The following DIAPH2 variants were observed in gnomAD, a reference collection of about 807,000 sequenced individuals.
The protein encoded by DIAPH2 is diaphanous related formin 2.
A neutral mutation model predicts 92.7 loss-of-function variants in DIAPH2; 35 were observed. The ratio of observed to expected loss-of-function variants is 0.38; its 90% CI spans 0.29 to 0.50. The LOEUF (loss-of-function observed/expected upper bound fraction) is 0.50, where lower values mean the gene tolerates loss of function less well. Among genes scored for constraint, DIAPH2 ranks in the 20% least tolerant of loss-of-function variants. The pLI is 0.94. For synonymous variants in DIAPH2, 301 were observed against 280.4 expected (o/e 1.07, Z -0.73); for missense variants, 701 against 819.5 (o/e 0.86, Z 1.77).
At chrX:97,221,817 C>T (rs779741575) in intron 22 of DIAPH2, among the ~76,000 whole-genome samples, 6 of 109,961 alleles carry the variant, frequency 5.5e-5, no homozygotes, top group Admixed American at 2.9e-4. Flanking sequence ...ACACTTTTCC[C>T]GCAATTTAAC....
rs750256965 is a variant in DIAPH2 at position 97,275,632 on chromosome X, C to G, written c.2844+27793C>G. On this transcript the variant is annotated intron_variant, in intron 23 of 26. Coordinates refer to ENST00000324765, the MANE Select transcript of DIAPH2 (RefSeq NM_006729.5). ...GGCCGGGCGGAGGGGCTCCTCACCT[C>G]CCAAACGGGGTTGCGGCCGGACAGA... Among the ~76,000 whole-genome samples the G allele has an allele frequency of 2.8e-5, 3 of 108,997 alleles. No homozygotes were observed. The South Asian group carries it at 1.3e-3, about 45-fold the overall frequency. The allele number at this position is 108,997 out of a possible 115,157, so 94.7% of individuals were successfully genotyped here.
chrX:97,100,453 T>G (rs977817244), intron 20 of DIAPH2, among the ~76,000 whole-genome samples: 2 of 111,798 alleles, frequency 1.8e-5, no homozygotes, highest in African/African-American at 6.5e-5. Flanking sequence ...ATTATAGTTA[T>G]ATTTTAAGTA....
intron 26 of DIAPH2, among the ~76,000 whole-genome samples, chrX:97,576,642 G>C (rs5920930): frequency 0.038 from 4,188 of 110,777 alleles, 70 homozygotes; most frequent in Non-Finnish European, 0.056. Flanking sequence ...CATAAACAAA[G>C]TAATCATGGA....
intron 21 of DIAPH2, among the ~76,000 whole-genome samples, chrX:97,139,585 A>C (rs2067196308): frequency 1.8e-5 from 2 of 110,397 alleles, no homozygotes; most frequent in African/African-American, 6.5e-5. Context: ...TTATGATTCT[A>C]AAAGAAATAC....
At chrX:97,502,732 A>G (rs1364160672) in intron 26 of DIAPH2, among the ~76,000 whole-genome samples, 1 of 112,808 alleles carries the variant, frequency 8.9e-6, no homozygotes, top group Non-Finnish European at 1.9e-5. Context: ...GAAACATATT[A>G]TTAGAACTTT....
intron 17 of DIAPH2, among the ~76,000 whole-genome samples, chrX:97,032,613 C>T (rs1306670886): frequency 9.1e-6 from 1 of 109,670 alleles, no homozygotes; most frequent in African/African-American, 3.3e-5. Flanking sequence ...CAGTGTGTTA[C>T]CTCATTCTTG....
intron 23 of DIAPH2, among the ~76,000 whole-genome samples, chrX:97,336,520 A>G (rs1316100604): frequency 9.1e-6 from 1 of 110,204 alleles, no homozygotes; most frequent in Non-Finnish European, 1.9e-5. Context: ...AAGTGCTGGT[A>G]TTACAGTTGT....
At chrX:97,325,418 G>A (rs2068941610) in intron 23 of DIAPH2, among the ~76,000 whole-genome samples, 1 of 111,781 alleles carries the variant, frequency 8.9e-6, no homozygotes, top group Non-Finnish European at 1.9e-5. Context: ...TTGAATATTA[G>A]TAGTTGATTG....
intron 4 of DIAPH2, among the ~76,000 whole-genome samples, chrX:96,824,356 A>G (rs751484947): frequency 9.0e-6 from 1 of 111,206 alleles, no homozygotes; most frequent in Non-Finnish European, 1.9e-5. Flanking sequence ...ACTTACTGGA[A>G]ATGAAATGCT....
At chrX:96,723,647 T>C (rs1201498431) in intron 1 of DIAPH2, among the ~76,000 whole-genome samples, 1 of 112,091 alleles carries the variant, frequency 8.9e-6, no homozygotes, top group East Asian at 2.8e-4. Context: ...GAGAACTTTG[T>C]TTCTGTAAGA....
chrX:97,581,117 C>T (rs1387314545), intron 26 of DIAPH2, among the ~76,000 whole-genome samples: 2 of 102,981 alleles, frequency 1.9e-5, no homozygotes, highest in African/African-American at 7.0e-5. Flanking sequence ...TTTCAAAAAA[C>T]CAGCTCCTGG....
intron 22 of DIAPH2, among the ~76,000 whole-genome samples, chrX:97,222,172 A>AGATGATGAT (rs56742311): frequency 3.4e-4 from 35 of 104,071 alleles, no homozygotes; most frequent in African/African-American, 5.9e-4. Flanking sequence ...GGGAGGGTCT[A>AGATGATGAT]GATGATGATG....
intron 24 of DIAPH2, among the ~76,000 whole-genome samples, chrX:97,355,895 T>C (rs947840818): frequency 9.0e-6 from 1 of 111,604 alleles, no homozygotes; most frequent in Non-Finnish European, 1.9e-5. Context: ...TATTCTAGAG[T>C]GATGAAAATA....
chrX:97,515,420 T>C (rs1333734348), intron 26 of DIAPH2, among the ~76,000 whole-genome samples: 1 of 112,053 alleles, frequency 8.9e-6, no homozygotes, highest in African/African-American at 3.2e-5. Context: ...TGGCACTCCC[T>C]AGTGAGATGA....
chrX:96,708,104 C>CA (rs950415784), intron 1 of DIAPH2, among the ~76,000 whole-genome samples: 7 of 110,649 alleles, frequency 6.3e-5, no homozygotes, highest in African/African-American at 2.3e-4. Flanking sequence ...CTTTTCTGAC[C>CA]ATAGGCTAAA....
At position 96,893,087 on chromosome X, in the gene DIAPH2, A is replaced by C. The variant is rs756111723; in HGVS notation, c.587+11369A>C. 1.0e-3 allele frequency among the ~76,000 whole-genome samples: 114 copies of C among 112,036 alleles called. 1 individual carries two copies. Among genetic ancestry groups the C allele is most frequent in the African/African-American group, 3.5e-3 (109 of 30,951 alleles). On this transcript the variant is annotated intron_variant, in intron 5 of 26. Transcript: ENST00000324765. ...GAGTTATATGAACTAATTTAACTAA[A>C]GGTCTTGGGCACATACTAGAGTTTT...
Position 97,489,139 on chromosome X carries a change from A to G in DIAPH2, c.3241+59394A>G, listed in dbSNP as rs191178040. On this transcript the variant is annotated intron_variant, in intron 26 of 26. Transcript: ENST00000324765. ...AACGTTATGTAGTTTTCGCCGTACAAGTCTTTCACCTCCTTGGTTAAATGT... is the reference window on the plus strand; with the variant it reads ...AACGTTATGTAGTTTTCGCCGTACAGGTCTTTCACCTCCTTGGTTAAATGT... Among the ~76,000 whole-genome samples the G allele has an allele frequency of 1.0e-3, 114 of 111,854 alleles. 1 individual carries two copies. Among genetic ancestry groups the G allele is most frequent in the African/African-American group, 3.6e-3 (110 of 30,914 alleles).
intron 26 of DIAPH2, among the ~76,000 whole-genome samples, chrX:97,443,371 A>G (rs2070279193): frequency 8.9e-6 from 1 of 112,516 alleles, no homozygotes; most frequent in African/African-American, 3.2e-5. Flanking sequence ...AAGTATAAAA[A>G]TACTATGCTT....
At chrX:96,757,718 T>G (rs2064240626) in intron 3 of DIAPH2, among the ~76,000 whole-genome samples, 1 of 111,628 alleles carries the variant, frequency 9.0e-6, no homozygotes, top group African/African-American at 3.3e-5. Context: ...ATTATAGATA[T>G]ATAGACCCTG....
Sources: allele counts gnomAD v4.1 joint callset (sites outside exome capture counted in the v4.1 genomes callset), GRCh38; gene constraint gnomAD v4.1.1; transcripts MANE v1.5; gene names NCBI Gene and HGNC (gene_info 2026-07-23, HGNC 2026-07-21).